MALRD1: variants seen among roughly 807,000 people sequenced by gnomAD.
MALRD1 encodes the protein MAM and LDL-receptor class A domain-containing protein 1.
Under a neutral mutation model 242.1 loss-of-function variants are expected in MALRD1, and 247 were observed. That is an observed-to-expected ratio of 1.02 (90% CI 0.92 to 1.13). The LOEUF is 1.13. MALRD1 is among the 50% of genes most tolerant of loss of function. MALRD1 has a pLI of 0.00. For synonymous variants in MALRD1, 995 were observed against 866.6 expected (o/e 1.15, Z -2.60); for missense variants, 2,989 against 2,533.1 (o/e 1.18, Z -3.86).
intron 10 of MALRD1, among the ~76,000 whole-genome samples, chr10:19,142,096 C>T (rs1031560929): frequency 2.2e-5 from 3 of 138,922 alleles, no homozygotes; most frequent in East Asian, 2.1e-4. Flanking sequence ...GGCGTGAACC[C>T]GGGAGGCGGA....
At chr10:19,569,188 C>G (rs916217866) in intron 33 of MALRD1, among the ~76,000 whole-genome samples, 4 of 152,024 alleles carry the variant, frequency 2.6e-5, no homozygotes, top group African/African-American at 9.7e-5. Flanking sequence ...TTTTCCAAAA[C>G]TGCTGCTGGT....
intron 18 of MALRD1, among the ~76,000 whole-genome samples, chr10:19,223,654 C>T (rs992560932): frequency 2.6e-5 from 4 of 152,030 alleles, no homozygotes; most frequent in Admixed American, 6.6e-5. Context: ...CCCATCAACC[C>T]GTCATCCACA....
At chr10:19,681,094 G>C (rs560301016) in intron 36 of MALRD1, among the ~76,000 whole-genome samples, 2 of 152,036 alleles carry the variant, frequency 1.3e-5, no homozygotes, top group South Asian at 4.1e-4. Flanking sequence ...CCTTCATTTT[G>C]ACCTTGGAGA....
intron 26 of MALRD1, among the ~76,000 whole-genome samples, chr10:19,371,712 T>C (rs1845388647): frequency 6.6e-6 from 1 of 152,214 alleles, no homozygotes; most frequent in African/African-American, 2.4e-5. Context: ...CTTTTTAAAG[T>C]TTGTTGCTTA....
At position 19,532,565 on chromosome 10, in the gene MALRD1, T is replaced by C. The variant is rs117689096; in HGVS notation, c.5478+1214T>C. On this transcript the variant is annotated intron_variant, in intron 32 of 39. Coordinates refer to ENST00000454679, the MANE Select transcript of MALRD1 (RefSeq NM_001142308.3). ...CACCATGCCCCCCTTCTCAAAAATA[T>C]GATATCTATTACACAGTTTTGTTTC... is the stretch of plus-strand genomic sequence containing the variant. 2.7e-3 allele frequency among the ~76,000 whole-genome samples: 406 copies of C among 152,256 alleles called. 7 individuals carry two copies. The East Asian group carries it at 0.057, about 22-fold the overall frequency.
intron 36 of MALRD1, among the ~76,000 whole-genome samples, chr10:19,671,168 A>C (rs1841904480): frequency 6.6e-6 from 1 of 152,228 alleles, no homozygotes; most frequent in African/African-American, 2.4e-5. Flanking sequence ...TGGAATGTAC[A>C]ATATGAGGAC....
intron 38 of MALRD1, among the ~76,000 whole-genome samples, chr10:19,704,081 G>T (rs903342411): frequency 1.3e-5 from 2 of 151,978 alleles, no homozygotes; most frequent in African/African-American, 2.4e-5. Context: ...TCCTCTTGAA[G>T]CATTGTACTA....
intron 29 of MALRD1, among the ~76,000 whole-genome samples, chr10:19,455,509 G>A (rs982506701): frequency 6.6e-6 from 1 of 152,058 alleles, no homozygotes; most frequent in African/African-American, 2.4e-5. Flanking sequence ...ATCTTCTTTT[G>A]CCTTATGTTT....
chr10:19,201,040 G>T (rs911334123), intron 14 of MALRD1, among the ~76,000 whole-genome samples: 29 of 152,154 alleles, frequency 1.9e-4, no homozygotes, highest in East Asian at 1.4e-3. Context: ...TGAGGATTCC[G>T]TTGATGATAA....
chr10:19,197,051 A>G (rs1836295530), intron 14 of MALRD1, among the ~76,000 whole-genome samples: 1 of 152,158 alleles, frequency 6.6e-6, no homozygotes, highest in South Asian at 2.1e-4. Flanking sequence ...GAAACTCACA[A>G]TCATGGCAGA....
intron 26 of MALRD1, among the ~76,000 whole-genome samples, chr10:19,368,888 TGTTTGTG>T (rs1845233227): frequency 2.1e-5 from 3 of 142,928 alleles, no homozygotes; most frequent in African/African-American, 2.6e-5. Flanking sequence ...TGTGTGTGTG[TGTTTGTG>T]TGTGTGTGTG....
intron 18 of MALRD1, among the ~76,000 whole-genome samples, chr10:19,235,836 G>C (rs1001879744): frequency 6.6e-6 from 1 of 152,048 alleles, no homozygotes; most frequent in African/African-American, 2.4e-5. Context: ...GGGAGTTTTA[G>C]GGGGAAAGAT....
intron 29 of MALRD1, among the ~76,000 whole-genome samples, chr10:19,455,329 A>G (rs1835588460): frequency 6.6e-6 from 1 of 152,208 alleles, no homozygotes; most frequent in Admixed American, 6.5e-5. Flanking sequence ...TACTTAAAGT[A>G]CAATCATTTC....
chr10:19,613,851 TC>T (rs1469763570), intron 35 of MALRD1, among the ~76,000 whole-genome samples: 3 of 151,950 alleles, frequency 2.0e-5, no homozygotes, highest in African/African-American at 7.2e-5. Context: ...GGCCTCTGGA[TC>T]TTTATGTTCA....
chr10:19,078,351 G>A (rs1835382153), intron 2 of MALRD1, among the ~76,000 whole-genome samples: 1 of 151,662 alleles, frequency 6.6e-6, no homozygotes, highest in African/African-American at 2.4e-5. Context: ...TCAATATGGT[G>A]TTTGTATTGA....
chr10:19,086,610 A>G (rs11008424), intron 2 of MALRD1, among the ~76,000 whole-genome samples: 30,100 of 152,074 alleles, frequency 0.2, 3,147 homozygotes, highest in African/African-American at 0.26. Context: ...AGCTGGGACT[A>G]TCTGATCCAA....
intron 24 of MALRD1, among the ~76,000 whole-genome samples, chr10:19,339,472 G>A (rs888381969): frequency 5.9e-5 from 9 of 151,980 alleles, no homozygotes; most frequent in African/African-American, 2.2e-4. Context: ...CAATATCTTG[G>A]GCACCAGGTT....
At chr10:19,371,405 G>A (rs1845369518) in intron 26 of MALRD1, among the ~76,000 whole-genome samples, 2 of 152,090 alleles carry the variant, frequency 1.3e-5, no homozygotes, top group South Asian at 4.1e-4. Flanking sequence ...TATCCTAAGA[G>A]ATTTTATCAT....
intron 14 of MALRD1, among the ~76,000 whole-genome samples, chr10:19,176,494 C>T (rs1222361692): frequency 3.4e-5 from 5 of 148,878 alleles, no homozygotes; most frequent in African/African-American, 4.9e-5. Flanking sequence ...CCTGCCTCAG[C>T]CTCCCGAGTA....
Sources: gnomAD v4.1 joint callset for allele counts (sites outside exome capture counted in the v4.1 genomes callset) on GRCh38, gnomAD v4.1.1 for gene constraint, MANE v1.5 for transcripts, NCBI Gene and HGNC (gene_info 2026-07-23, HGNC 2026-07-21) for gene names.